Variants in ELMOD1 observed in about 807,000 individuals in gnomAD.
ELMOD1 encodes the protein ELMO domain containing 1.
A neutral mutation model predicts 46.7 loss-of-function variants in ELMOD1; 21 were observed. That is an observed-to-expected ratio of 0.45 (90% confidence interval 0.32 to 0.65). ELMOD1 has a LOEUF of 0.65. Ranked by LOEUF, ELMOD1 falls within the 30% of genes least tolerant of loss-of-function variation. The pLI is 0.04. For synonymous variants in ELMOD1, 122 were observed against 138.2 expected (o/e 0.88, Z 0.82); for missense variants, 348 against 407.8 (o/e 0.85, Z 1.26).
Position 107,616,154 on chromosome 11 carries a change from C to G in ELMOD1, c.-85-1951C>G, listed in dbSNP as rs183326828. On this transcript the variant is annotated intron_variant, in intron 1 of 11. Coordinates refer to ENST00000265840, the MANE Select transcript of ELMOD1 (RefSeq NM_018712.4). Reference sequence around the variant, plus strand: ...GGGATTACAGGTGCCCACCACCACACCTGGCTAATTTTTGTATTTTTAGTA... The same window carrying G: ...GGGATTACAGGTGCCCACCACCACAGCTGGCTAATTTTTGTATTTTTAGTA... Among the ~76,000 whole-genome samples, 902 of 151,934 alleles carry G rather than the reference C, an allele frequency of 5.9e-3. 8 individuals are homozygous for G. The highest frequency in any genetic ancestry group is 0.027 in the South Asian group (132 of 4,810).
At chr11:107,631,333 G>A (rs1039637285) in intron 4 of ELMOD1, among the ~76,000 whole-genome samples, 4 of 151,148 alleles carry the variant, frequency 2.6e-5, no homozygotes, top group Admixed American at 2.6e-4. Flanking sequence ...CAGGAAAATG[G>A]TAAGAACAAA....
chr11:107,662,633 A>G (rs965350853), intron 11 of ELMOD1, among the ~76,000 whole-genome samples: 2 of 151,180 alleles, frequency 1.3e-5, no homozygotes, highest in Admixed American at 6.6e-5. Flanking sequence ...ACAAAAAAAA[A>G]CTTTTTGTAA....
At chr11:107,627,358 T>C (rs574403912) in intron 2 of ELMOD1, among the ~76,000 whole-genome samples, 1 of 152,362 alleles carries the variant, frequency 6.6e-6, no homozygotes, top group African/African-American at 2.4e-5. Context: ...AGAGATGTGA[T>C]TTACTTCACA....
chr11:107,653,922 T>C (rs909376070), intron 9 of ELMOD1: 5 of 475,918 alleles, frequency 1.1e-5, no homozygotes, highest in African/African-American at 7.7e-5. Context: ...TGCAAAAGAA[T>C]AGCTTAATGT....
intron 1 of ELMOD1, chr11:107,591,664 CGGCGCGAGAGGCTGTTTGCAT>C (rs1865394131): frequency 1.9e-5 from 7 of 363,872 alleles, no homozygotes; most frequent in Non-Finnish European, 1.1e-5. Context: ...GGCTGCAGGT[CGGCGCGAGAGGCTGTTTGCAT>C]CTCGGCCCGG....
intron 6 of ELMOD1, among the ~76,000 whole-genome samples, chr11:107,636,190 T>G (rs1303875786): frequency 6.6e-6 from 1 of 152,172 alleles, no homozygotes; most frequent in African/African-American, 2.4e-5. Flanking sequence ...TCTTGGGAAA[T>G]TACCCAAGAT....
intron 2 of ELMOD1, among the ~76,000 whole-genome samples, chr11:107,622,092 G>A (rs758048291): frequency 3.9e-5 from 6 of 152,272 alleles, no homozygotes; most frequent in East Asian, 3.9e-4. Context: ...GAGACGAGGC[G>A]TATGCATACA....
At chr11:107,637,721 C>G (rs751143773) in intron 6 of ELMOD1, among the ~76,000 whole-genome samples, 1 of 150,148 alleles carries the variant, frequency 6.7e-6, no homozygotes, top group Non-Finnish European at 1.5e-5. Context: ...AAAAAAAAAT[C>G]ACTAAATCTT....
intron 11 of ELMOD1, among the ~76,000 whole-genome samples, chr11:107,660,776 C>G (rs894633618): frequency 2.6e-5 from 4 of 152,218 alleles, no homozygotes; most frequent in Non-Finnish European, 5.9e-5. Flanking sequence ...GGAAAATAGC[C>G]TGGCCTCTGT....
At chr11:107,639,003 A>T (rs539285594) in intron 6 of ELMOD1, among the ~76,000 whole-genome samples, 27 of 152,050 alleles carry the variant, frequency 1.8e-4, no homozygotes, top group Middle Eastern at 3.4e-3. Context: ...TTTAATAAAT[A>T]GCTGGGCATG....
chr11:107,663,437 G>A (rs1292767069), intron 11 of ELMOD1, among the ~76,000 whole-genome samples: 1 of 152,004 alleles, frequency 6.6e-6, no homozygotes, highest in African/African-American at 2.4e-5. Flanking sequence ...ATGAGGCCAG[G>A]AGTTCAAGGA....
intron 11 of ELMOD1, among the ~76,000 whole-genome samples, chr11:107,662,149 T>C (rs1000630526): frequency 6.6e-6 from 1 of 152,192 alleles, no homozygotes; most frequent in Non-Finnish European, 1.5e-5. Context: ...TATTTGTTTG[T>C]TTGTTTTTTA....
intron 1 of ELMOD1, among the ~76,000 whole-genome samples, chr11:107,613,346 A>T (rs2135668685): frequency 6.6e-6 from 1 of 152,284 alleles, no homozygotes; most frequent in African/African-American, 2.4e-5. Flanking sequence ...TACCCCATTT[A>T]ATCCTAGAGA....
Position 107,654,227 on chromosome 11 carries a change from G to A in ELMOD1, c.698+5G>A, listed in dbSNP as rs1473264475. ...AAGGATGGATAAGGCAATTGGGTGA[G>A]TATGGGATCTCACATGGAAAGATGG... On this transcript the variant is annotated splice_donor_5th_base_variant and intron_variant, in intron 10 of 11. Coordinates refer to ENST00000265840, the MANE Select transcript of ELMOD1 (RefSeq NM_018712.4). The A allele has an allele frequency of 6.3e-7, 1 of 1,588,898 alleles. No homozygotes were observed. Among genetic ancestry groups the A allele is most frequent in the Non-Finnish European group, 8.6e-7 (1 of 1,166,740 alleles).
chr11:107,591,791 C>A (rs1286757767), intron 1 of ELMOD1: 1 of 464,818 alleles, frequency 2.2e-6, no homozygotes, highest in Admixed American at 2.4e-5. Flanking sequence ...CTGGCTGGGG[C>A]GAGGGGCTGG....
intron 1 of ELMOD1, among the ~76,000 whole-genome samples, chr11:107,597,155 T>C (rs944004657): frequency 1.3e-5 from 2 of 152,158 alleles, no homozygotes; most frequent in Non-Finnish European, 2.9e-5. Flanking sequence ...CAGATGTACA[T>C]AGATCATAAT....
chr11:107,650,236 C>T (rs566898785), intron 7 of ELMOD1, 99 bp from the exon 8 acceptor site: 1 of 796,116 alleles, frequency 1.3e-6, no homozygotes, highest in East Asian at 2.7e-5. Flanking sequence ...ATGCCAGTAT[C>T]CATCTCTGGA....
intron 1 of ELMOD1, among the ~76,000 whole-genome samples, chr11:107,609,986 T>C (rs1865748997): frequency 6.6e-6 from 1 of 152,178 alleles, no homozygotes; most frequent in South Asian, 2.1e-4. Context: ...AGTACTGTGA[T>C]TGAGTAATGC....
intron 5 of ELMOD1, among the ~76,000 whole-genome samples, chr11:107,634,396 T>C (rs572150811): frequency 2.0e-4 from 31 of 152,332 alleles, no homozygotes; most frequent in Non-Finnish European, 4.3e-4. Flanking sequence ...TTTAGGGTAC[T>C]GTTATTCAAA....
Sources: gnomAD v4.1 joint callset for allele counts (sites outside exome capture counted in the v4.1 genomes callset) on GRCh38, gnomAD v4.1.1 for gene constraint, MANE v1.5 for transcripts, NCBI Gene and HGNC (gene_info 2026-07-23, HGNC 2026-07-21) for gene names.